AKIRIN2: variants seen among roughly 807,000 people sequenced by gnomAD.
The protein encoded by AKIRIN2 is akirin-2.
AKIRIN2 carries 6 observed loss-of-function variants against 29.3 expected under a neutral mutation model. The observed-to-expected ratio is 0.20, with a 90% CI of 0.11 to 0.40. The LOEUF is 0.40. AKIRIN2 is among the 10% of genes least tolerant of loss of function. The pLI, the probability that AKIRIN2 is intolerant of heterozygous loss-of-function variation, is 1.00. For missense variants in AKIRIN2, 210 were observed against 276.1 expected (o/e 0.76, Z 1.70); for synonymous variants, 128 against 117.5 (o/e 1.09, Z -0.58).
chr6:87,676,025 A>G, intron 3 of AKIRIN2, 94 bp from the exon 4 acceptor site: 1 of 1,046,732 alleles, frequency 9.6e-7, no homozygotes. Flanking sequence ...AACAATTCTA[A>G]GTTGACAAAA....
At chr6:87,681,490 T>A (rs1489725113) in intron 2 of AKIRIN2, 130 bp downstream of exon 2, 8 of 876,170 alleles carry the variant, frequency 9.1e-6, no homozygotes, top group Non-Finnish European at 1.3e-5. Flanking sequence ...TAAGATGTCA[T>A]GCATTACTTG....
intron 1 of AKIRIN2, among the ~76,000 whole-genome samples, chr6:87,694,139 A>AT (rs1395547521): frequency 6.6e-6 from 1 of 152,146 alleles, no homozygotes. Context: ...AACTAGTTTG[A>AT]TTTTTTTGAG....
chr6:87,675,662 A>G, intron 4 of AKIRIN2, 55 bp from the exon 5 acceptor site: 3 of 1,602,760 alleles, frequency 1.9e-6, no homozygotes, highest in Non-Finnish European at 1.7e-6. Flanking sequence ...ATCCAAACGA[A>G]TACTAGATCT....
At chr6:87,701,408 A>C in intron 1 of AKIRIN2, 42 bp downstream of exon 1, 3 of 1,528,058 alleles carry the variant, frequency 2.0e-6, no homozygotes, top group Non-Finnish European at 2.6e-6. Flanking sequence ...CCCTGTTCCC[A>C]GTTCTCTCCA....
chr6:87,698,379 A>T lies in AKIRIN2; in HGVS notation c.235+3071T>A, dbSNP rs543053526. ...ACCTGCAATGAACAATACTTAAAAA[A>T]AAAAAAAAAAGAATGAGCACAGCTG... On this transcript the variant is annotated intron_variant, in intron 1 of 4. Transcript: ENST00000257787. 2.0e-5 allele frequency among the ~76,000 whole-genome samples: 3 copies of T among 152,224 alleles called. No individual in the cohort carries two copies. In the East Asian group the frequency reaches 5.8e-4, roughly 29 times the overall value.
intron 1 of AKIRIN2, among the ~76,000 whole-genome samples, chr6:87,696,491 G>T (rs1771366396): frequency 6.6e-6 from 1 of 151,882 alleles, no homozygotes; most frequent in Admixed American, 6.6e-5. Context: ...CATGAGGCCA[G>T]AAGATCGAGA....
intron 1 of AKIRIN2, among the ~76,000 whole-genome samples, chr6:87,694,400 TGCTA>T (rs1383989284): frequency 6.6e-6 from 1 of 152,152 alleles, no homozygotes; most frequent in Non-Finnish European, 1.5e-5. Context: ...AAGCATAAAG[TGCTA>T]GCTAATAAAG....
chr6:87,697,911 G>T (rs926637456), intron 1 of AKIRIN2, among the ~76,000 whole-genome samples: 1 of 152,168 alleles, frequency 6.6e-6, no homozygotes, highest in Non-Finnish European at 1.5e-5. Context: ...TCACAGAAGG[G>T]TATCTTCAGA....
rs1212502658 is a variant in AKIRIN2 at position 87,675,319 on chromosome 6, C to CCT, written c.*276_*277dup. ...CATGTTCTAGAATACCAGCTTTAAT[C>CCT]CTTTTCAAACATTAATATAAGAAGC... On this transcript the variant is annotated 3_prime_UTR_variant, in exon 5 of 5. Transcript: ENST00000257787. 3 of 488,542 alleles carry CCT rather than the reference C, an allele frequency of 6.1e-6. No individual in the cohort carries two copies. The highest frequency in any genetic ancestry group is 5.7e-5 in the African/African-American group (3 of 52,258). The allele number at this position is 488,542 out of a possible 1,614,324, so 30.3% of individuals were successfully genotyped here. A position where few individuals can be genotyped will look rare whatever the true frequency, so the allele number is the denominator to read the frequency against.
intron 1 of AKIRIN2, among the ~76,000 whole-genome samples, chr6:87,694,672 G>A (rs1771330342): frequency 6.6e-6 from 1 of 152,136 alleles, no homozygotes; most frequent in Middle Eastern, 3.2e-3. Flanking sequence ...TACATCTCAA[G>A]ATGATCTGCC....
chr6:87,692,558 T>A (rs1771293041), intron 1 of AKIRIN2, among the ~76,000 whole-genome samples: 1 of 152,224 alleles, frequency 6.6e-6, no homozygotes. Flanking sequence ...ATGCCTGTAA[T>A]CCCAGCACTT....
At chr6:87,692,781 G>C (rs1014477535) in intron 1 of AKIRIN2, among the ~76,000 whole-genome samples, 1 of 152,066 alleles carries the variant, frequency 6.6e-6, no homozygotes, top group African/African-American at 2.4e-5. Context: ...CTGCACTCCA[G>C]CCTGGGTGAC....
At chr6:87,676,592 TAA>T (rs930560211) in intron 3 of AKIRIN2, among the ~76,000 whole-genome samples, 4 of 77,892 alleles carry the variant, frequency 5.1e-5, no homozygotes, top group African/African-American at 2.8e-4. Flanking sequence ...CCGTCTCTAC[TAA>T]AAACACACAC....
chr6:87,685,749 A>G (rs1771176700), intron 1 of AKIRIN2, among the ~76,000 whole-genome samples: 1 of 152,094 alleles, frequency 6.6e-6, no homozygotes, highest in African/African-American at 2.4e-5. Context: ...AAACTACCTT[A>G]CTCTTTTACC....
intron 1 of AKIRIN2, among the ~76,000 whole-genome samples, chr6:87,684,721 G>A (rs1247381254): frequency 6.6e-6 from 1 of 152,030 alleles, no homozygotes; most frequent in African/African-American, 2.4e-5. Flanking sequence ...CCTTTTTATT[G>A]GTGAGTATTC....
chr6:87,687,436 T>C, intron 1 of AKIRIN2, among the ~76,000 whole-genome samples: 1 of 38,636 alleles, frequency 2.6e-5, no homozygotes, highest in South Asian at 7.5e-4. Context: ...CAAAATTCCG[T>C]TTCAAAAAAA....
intron 1 of AKIRIN2, among the ~76,000 whole-genome samples, chr6:87,682,982 A>C (rs1193819567): frequency 6.6e-6 from 1 of 152,170 alleles, no homozygotes; most frequent in Non-Finnish European, 1.5e-5. Flanking sequence ...TTTAAAATTT[A>C]ATACTGGTGG....
intron 1 of AKIRIN2, among the ~76,000 whole-genome samples, chr6:87,693,595 C>T (rs546197536): frequency 1.3e-5 from 2 of 151,532 alleles, no homozygotes; most frequent in Non-Finnish European, 2.9e-5. Context: ...TGTGGCAGTG[C>T]GCACCTGTAA....
chr6:87,696,987 C>T lies in AKIRIN2; in HGVS notation c.235+4463G>A, dbSNP rs145038759. Among the ~76,000 whole-genome samples the T allele has an allele frequency of 2.2e-4, 33 of 149,180 alleles. 1 individual carries two copies. The East Asian group carries it at 6.4e-3, about 29-fold the overall frequency. ...CGCCACTGCACTCTAGCCTAGGCGA[C>T]AGAGTGAGACTCCGTCTCAAAACAA... On this transcript the variant is annotated intron_variant, in intron 1 of 4. Coordinates refer to ENST00000257787, the MANE Select transcript of AKIRIN2 (RefSeq NM_018064.4).
Sources: gnomAD v4.1 joint callset for allele counts (sites outside exome capture counted in the v4.1 genomes callset) on GRCh38, gnomAD v4.1.1 for gene constraint, MANE v1.5 for transcripts, NCBI Gene and HGNC (gene_info 2026-07-23, HGNC 2026-07-21) for gene names.